MND1: variants seen among roughly 807,000 people sequenced by gnomAD.
The protein encoded by MND1 is meiotic nuclear division protein 1 homolog.
Under a neutral mutation model 35.1 loss-of-function variants are expected in MND1, and 28 were observed. The ratio of observed to expected loss-of-function variants is 0.80; its 90% CI spans 0.59 to 1.09. The LOEUF (loss-of-function observed/expected upper bound fraction) is 1.09, where lower values mean the gene tolerates loss of function less well. Ranked by LOEUF, MND1 falls within the 50% of genes least tolerant of loss-of-function variation. The pLI, the probability that MND1 is intolerant of heterozygous loss-of-function variation, is 0.00. For synonymous variants in MND1, 69 were observed against 70.5 expected, an observed-to-expected ratio of 0.98 and a Z score of 0.11; for missense variants, 213 against 239.6, an observed-to-expected ratio of 0.89 and a Z score of 0.73.
At chr4:153,391,584 G>A (rs992343305) in intron 4 of MND1, among the ~76,000 whole-genome samples, 13 of 151,702 alleles carry the variant, frequency 8.6e-5, no homozygotes, top group African/African-American at 2.4e-4. Flanking sequence ...AAAATTCGTC[G>A]GATGTGGTGG....
chr4:153,360,767 A>G (rs1168748129), intron 4 of MND1, among the ~76,000 whole-genome samples: 1 of 136,004 alleles, frequency 7.4e-6, no homozygotes, highest in African/African-American at 3.1e-5. Context: ...ATACACACAT[A>G]TACATATACA....
chr4:153,363,610 C>T (rs1173599857), intron 4 of MND1, among the ~76,000 whole-genome samples: 1 of 152,106 alleles, frequency 6.6e-6, no homozygotes, highest in Non-Finnish European at 1.5e-5. Context: ...CCTCAGAGAG[C>T]TTTCAGTCAG....
intron 2 of MND1, among the ~76,000 whole-genome samples, chr4:153,351,934 A>T (rs563360635): frequency 6.6e-6 from 1 of 152,230 alleles, no homozygotes; most frequent in South Asian, 2.1e-4. Flanking sequence ...TTTGTTACCT[A>T]TAGTGAACAA....
rs1423389235 is a variant in MND1 at position 153,344,754 on chromosome 4, C to T, written c.3+14C>T. 2 of 1,601,192 alleles carry T rather than the reference C, an allele frequency of 1.2e-6. No homozygotes were observed. Among genetic ancestry groups the T allele is most frequent in the African/African-American group, 2.7e-5 (2 of 73,462 alleles). On this transcript the variant is annotated intron_variant, in intron 1 of 7. Coordinates refer to ENST00000240488, the MANE Select transcript of MND1 (RefSeq NM_032117.4). ...GCCCGCGCCATGGTAAGGACTGAGG[C>T]TACGGTCCCGCGTCTTCTTCCTCCC... is the stretch of plus-strand genomic sequence containing the variant.
chr4:153,363,788 A>G (rs1347063953), intron 4 of MND1, among the ~76,000 whole-genome samples: 2 of 152,246 alleles, frequency 1.3e-5, no homozygotes, highest in African/African-American at 4.8e-5. Context: ...ACATGATGAT[A>G]AATGCCTTTC....
At position 153,358,363 on chromosome 4, in the gene MND1, T is replaced by G. The variant is rs1007295420; in HGVS notation, c.128-111T>G. The G allele has an allele frequency of 5.4e-6, 5 of 918,932 alleles. No individual in the cohort carries two copies. In the African/African-American group the frequency reaches 8.5e-5, roughly 16 times the overall value. 56.9% of individuals were successfully genotyped at this position (918,932 alleles called of 1,614,324 possible). On this transcript the variant is annotated intron_variant, in intron 3 of 7. Coordinates refer to ENST00000240488, the MANE Select transcript of MND1 (RefSeq NM_032117.4). ...TTGTTATTTTTAAGAGCTTATTAAC[T>G]TTTTAACTCTTGATTTGTGATATGT...
intron 6 of MND1, among the ~76,000 whole-genome samples, chr4:153,407,812 A>G (rs1729562407): frequency 6.6e-6 from 1 of 152,214 alleles, no homozygotes; most frequent in African/African-American, 2.4e-5. Context: ...AATGTACACA[A>G]AAGGGAAATC....
Position 153,409,029 on chromosome 4 carries a change from T to C in MND1, c.511+14T>C. The C allele has an allele frequency of 2.2e-6, 3 of 1,347,486 alleles. No homozygotes were observed. The highest frequency in any genetic ancestry group is 2.9e-6 in the Non-Finnish European group (3 of 1,038,190). 83.5% of individuals were successfully genotyped at this position (1,347,486 alleles called of 1,614,324 possible). On this transcript the variant is annotated intron_variant, in intron 7 of 7. Coordinates refer to ENST00000240488, the MANE Select transcript of MND1 (RefSeq NM_032117.4). Reference sequence around the variant, plus strand: ...ACAGATGGACTGGTATGTACTATAATAATGCTGATAAACTATAGCTAAATT... The same window carrying C: ...ACAGATGGACTGGTATGTACTATAACAATGCTGATAAACTATAGCTAAATT...
At position 153,362,938 on chromosome 4, in the gene MND1, G is replaced by A. The variant is rs142048192; in HGVS notation, c.276+4316G>A. ...CAGGATGAGTACTGCATAAAATTTA[G>A]TATGCATGTCTATACATGGCATGGA... On this transcript the variant is annotated intron_variant, in intron 4 of 7. Coordinates refer to ENST00000240488, the MANE Select transcript of MND1 (RefSeq NM_032117.4). 46 of 872,052 alleles carry A rather than the reference G, an allele frequency of 5.3e-5. No homozygotes were observed. The Middle Eastern group carries it at 2.3e-3, about 44-fold the overall frequency. The allele number at this position is 872,052 out of a possible 1,614,324, so 54.0% of individuals were successfully genotyped here. A position where few individuals can be genotyped will look rare whatever the true frequency, so the allele number is the denominator to read the frequency against.
intron 4 of MND1, among the ~76,000 whole-genome samples, chr4:153,361,842 A>G (rs1773501891): frequency 1.2e-5 from 1 of 85,952 alleles, no homozygotes; most frequent in Non-Finnish European, 2.3e-5. Flanking sequence ...AAAAAAAAAG[A>G]AAAAAAAAAG....
At chr4:153,400,028 A>G (rs1427860657) in intron 6 of MND1, among the ~76,000 whole-genome samples, 1 of 150,504 alleles carries the variant, frequency 6.6e-6, no homozygotes, top group Non-Finnish European at 1.5e-5. Flanking sequence ...CAGCTTCCCA[A>G]ATAGCTGGGA....
chr4:153,371,861 C>A (rs1240162570), intron 4 of MND1, among the ~76,000 whole-genome samples: 1 of 152,086 alleles, frequency 6.6e-6, no homozygotes, highest in Admixed American at 6.5e-5. Flanking sequence ...CTGTATCTTC[C>A]TAACTAAGCT....
intron 4 of MND1, among the ~76,000 whole-genome samples, chr4:153,372,344 G>GGATC (rs1219548509): frequency 2.0e-5 from 3 of 151,016 alleles, no homozygotes; most frequent in African/African-American, 7.3e-5. Context: ...GTGCAAAGAG[G>GGATC]GATCGTTCAG....
In MND1 at chr4:153,381,383, T is replaced by C. The variant is rs534781213; in HGVS notation, c.277-12879T>C. Among the ~76,000 whole-genome samples the C allele has an allele frequency of 9.9e-5, 15 of 151,532 alleles. No individual in the cohort carries two copies. The South Asian group carries it at 3.1e-3, about 32-fold the overall frequency. On this transcript the variant is annotated intron_variant, in intron 4 of 7. Transcript: ENST00000240488. ...CCCAAACACCCCTCAGTGTTTCATA[T>C]GAGATACAGGTTTGTGGCAGCCATT...
Position 153,360,038 on chromosome 4 carries a change from T to C in MND1, c.276+1416T>C, listed in dbSNP as rs180726720. 8.4e-4 allele frequency among the ~76,000 whole-genome samples: 128 copies of C among 152,170 alleles called. 3 individuals carry two copies. The highest frequency in any genetic ancestry group is 5.2e-3 in the Admixed American group (79 of 15,278). ...CTGACCTCAGGTGATCCACCCACCT[T>C]GGCCTCCCAAAGTGCTGGGATTACA... is the stretch of plus-strand genomic sequence containing the variant. On this transcript the variant is annotated intron_variant, in intron 4 of 7. Transcript: ENST00000240488.
intron 2 of MND1, among the ~76,000 whole-genome samples, chr4:153,353,512 C>T (rs6841435): frequency 0.56 from 80,587 of 143,516 alleles, 24,130 homozygotes; most frequent in African/African-American, 0.81. Context: ...TCTTTATATA[C>T]GTATATCCTG....
chr4:153,355,025 A>C (rs367555270), intron 2 of MND1, among the ~76,000 whole-genome samples: 7 of 152,188 alleles, frequency 4.6e-5, no homozygotes, highest in Admixed American at 1.3e-4. Context: ...TTAGCCAGGC[A>C]TGGTGGTGCA....
At chr4:153,397,374 A>G in intron 6 of MND1, 41 bp downstream of exon 6, 1 of 1,433,934 alleles carries the variant, frequency 7.0e-7, no homozygotes, top group Non-Finnish European at 9.6e-7. Flanking sequence ...AACTTTGATA[A>G]TGAAGAAGAC....
At chr4:153,358,184 G>A (rs1773392747) in intron 3 of MND1, among the ~76,000 whole-genome samples, 1 of 152,152 alleles carries the variant, frequency 6.6e-6, no homozygotes, top group Non-Finnish European at 1.5e-5. Flanking sequence ...GTCATCCAGT[G>A]TTACTGCTAA....
Sources: gnomAD v4.1 joint callset for allele counts (sites outside exome capture counted in the v4.1 genomes callset) on GRCh38, gnomAD v4.1.1 for gene constraint, MANE v1.5 for transcripts, NCBI Gene and HGNC (gene_info 2026-07-23, HGNC 2026-07-21) for gene names.